The following KDM4C variants were observed in gnomAD, a reference collection of about 807,000 sequenced individuals.
KDM4C encodes lysine-specific demethylase 4C.
A neutral mutation model predicts 129.3 loss-of-function variants in KDM4C; 81 were observed. The observed-to-expected ratio is 0.63, with a 90% confidence interval of 0.52 to 0.75. KDM4C has a LOEUF of 0.75. Ranked by LOEUF, KDM4C falls within the 30% of genes least tolerant of loss-of-function variation. KDM4C has a pLI of 0.00. For synonymous variants in KDM4C, 573 were observed against 456.1 expected (o/e 1.26, Z -3.26); for missense variants, 1,457 against 1,304.0 (o/e 1.12, Z -1.81).
intron 18 of KDM4C, among the ~76,000 whole-genome samples, chr9:7,105,021 T>G (rs1587665142): frequency 6.6e-6 from 1 of 152,278 alleles, no homozygotes; most frequent in Admixed American, 6.5e-5. Flanking sequence ...ATTTTTTCAT[T>G]GTTTCAGGTT....
At position 6,732,179 on chromosome 9, in the gene KDM4C, A is replaced by C. The variant is rs561190654; in HGVS notation, c.49+11182A>C. On this transcript the variant is annotated intron_variant, in intron 1 of 17. Coordinates refer to the KDM4C transcript ENST00000536108. ...CAGGAGATTGAGACCATCCTGGCTA[A>C]CACAGTGAAACCCCATCTTTACTAA... 2.3e-4 allele frequency among the ~76,000 whole-genome samples: 35 copies of C among 151,666 alleles called. 1 individual carries two copies. In the South Asian group the frequency reaches 5.7e-3, roughly 25 times the overall value.
intron 1 of KDM4C, chr9:6,748,892 C>G: frequency 1.0e-6 from 1 of 968,288 alleles, no homozygotes; most frequent in Non-Finnish European, 1.7e-6. Flanking sequence ...ACACCTGAAT[C>G]TGCGATCTAT....
chr9:6,782,727 C>A (rs529939967), intron 1 of KDM4C, among the ~76,000 whole-genome samples: 6 of 151,928 alleles, frequency 3.9e-5, no homozygotes, highest in Non-Finnish European at 8.8e-5. Context: ...CATACTGGAA[C>A]GATATTGAGC....
rs1319961894 is a variant in KDM4C, at chr9:6,908,917, G to A, written c.921+15685G>A. On this transcript the variant is annotated intron_variant, in intron 8 of 21. Coordinates refer to ENST00000381309, the MANE Select transcript of KDM4C (RefSeq NM_015061.6). ...ACTCCTGGAGTAGTGACTGACACAT[G>A]GCATGTAATAAACATTTTTCTTTCT... 3.3e-5 allele frequency among the ~76,000 whole-genome samples: 5 copies of A among 152,046 alleles called. No homozygotes were observed. In the East Asian group the frequency reaches 9.6e-4, roughly 29 times the overall value.
At chr9:7,052,120 T>A (rs1830230287) in intron 17 of KDM4C, among the ~76,000 whole-genome samples, 1 of 152,238 alleles carries the variant, frequency 6.6e-6, no homozygotes, top group Non-Finnish European at 1.5e-5. Context: ...GAACAGAAAT[T>A]GTTAAATGTT....
At chr9:6,927,049 G>C (rs1822703851) in intron 8 of KDM4C, among the ~76,000 whole-genome samples, 1 of 151,986 alleles carries the variant, frequency 6.6e-6, no homozygotes, top group Admixed American at 6.6e-5. Flanking sequence ...GTTAACAGAA[G>C]AAAATTAACC....
At chr9:7,067,022 A>G (rs77691215) in intron 17 of KDM4C, among the ~76,000 whole-genome samples, 2,255 of 152,364 alleles carry the variant, frequency 0.015, 27 homozygotes, top group Middle Eastern at 0.058. Context: ...GGAAATTTAT[A>G]TATTTCTCTA....
intron 2 of KDM4C, among the ~76,000 whole-genome samples, chr9:6,802,588 CAAAG>C (rs905922899): frequency 1.3e-5 from 2 of 152,122 alleles, no homozygotes; most frequent in Non-Finnish European, 2.9e-5. Flanking sequence ...GAATGAAAAT[CAAAG>C]AACTTCAGCT....
At chr9:6,987,869 A>G (rs1252268353) in intron 11 of KDM4C, among the ~76,000 whole-genome samples, 1 of 152,042 alleles carries the variant, frequency 6.6e-6, no homozygotes, top group Non-Finnish European at 1.5e-5. Context: ...CAAAATTTAC[A>G]ACTTTGGCCA....
intron 3 of KDM4C, among the ~76,000 whole-genome samples, chr9:6,814,419 A>T (rs190462837): frequency 6.6e-6 from 1 of 152,344 alleles, no homozygotes; most frequent in African/African-American, 2.4e-5. Flanking sequence ...GTTTTCTAAT[A>T]AAATGTAAAG....
chr9:7,095,305 C>T (rs1198005599), intron 17 of KDM4C, among the ~76,000 whole-genome samples: 2 of 152,240 alleles, frequency 1.3e-5, no homozygotes, highest in African/African-American at 4.8e-5. Context: ...ACCACAGCTG[C>T]AACCTTTCAT....
intron 1 of KDM4C, among the ~76,000 whole-genome samples, chr9:6,782,830 G>A (rs1230521375): frequency 6.6e-6 from 1 of 152,210 alleles, no homozygotes; most frequent in Non-Finnish European, 1.5e-5. Context: ...AGAATTGACG[G>A]TGGTGAACTA....
chr9:6,926,277 T>A (rs1822507732), intron 8 of KDM4C, among the ~76,000 whole-genome samples: 2 of 143,516 alleles, frequency 1.4e-5, no homozygotes, highest in South Asian at 4.4e-4. Flanking sequence ...AAGAATTAAC[T>A]GAGGTAATAT....
At chr9:6,986,274 A>G in intron 10 of KDM4C, 70 bp from the exon 11 acceptor site, 2 of 1,051,568 alleles carry the variant, frequency 1.9e-6, no homozygotes, top group East Asian at 5.1e-5. Context: ...TCATTTGGGA[A>G]TAGTTTACCA....
chr9:7,174,631 G>C lies in KDM4C; in HGVS notation c.3073G>C (p.Val1025Leu). 6.2e-7 allele frequency: 1 copy of C among 1,614,172 alleles called. No homozygotes were observed. The highest frequency in any genetic ancestry group is 1.1e-5 in the South Asian group (1 of 91,090). The change falls in exon 22 of 22, where the codon GTG becomes CTG. Residue 1025 changes from valine to leucine, a missense_variant. Coordinates refer to ENST00000381309, the MANE Select transcript of KDM4C (RefSeq NM_015061.6). ...CCAAGGGGAGAGAAAGAGACAAAGAGTGCTGAGCTCCAGGTTTAAGAATGA... is the reference window on the plus strand; with the variant it reads ...CCAAGGGGAGAGAAAGAGACAAAGACTGCTGAGCTCCAGGTTTAAGAATGA... ...IIQGERKRQR[V>L]LSSRFKNEYV...
intron 17 of KDM4C, among the ~76,000 whole-genome samples, chr9:7,101,063 G>A (rs1021289058): frequency 6.6e-6 from 1 of 152,058 alleles, no homozygotes; most frequent in African/African-American, 2.4e-5. Context: ...TAGGGGTTGG[G>A]CCTGGATAGA....
chr9:7,059,184 C>T (rs978972933), intron 17 of KDM4C, among the ~76,000 whole-genome samples: 1 of 152,194 alleles, frequency 6.6e-6, no homozygotes, highest in African/African-American at 2.4e-5. Flanking sequence ...GGGTCTTGCT[C>T]TGTCACCCAG....
At chr9:6,967,488 A>G (rs1831202906) in intron 8 of KDM4C, among the ~76,000 whole-genome samples, 1 of 152,018 alleles carries the variant, frequency 6.6e-6, no homozygotes. Flanking sequence ...TAAAACGTTC[A>G]CAGAAAGACT....
intron 5 of KDM4C, among the ~76,000 whole-genome samples, chr9:6,850,597 A>AATTTTTTGT (rs1390643593): frequency 6.6e-6 from 1 of 150,520 alleles, no homozygotes; most frequent in Non-Finnish European, 1.5e-5. Context: ...AGGCCCAGCT[A>AATTTTTTGT]ATTTTTTGTA....
Sources: gnomAD v4.1 joint callset for allele counts (sites outside exome capture counted in the v4.1 genomes callset) on GRCh38, gnomAD v4.1.1 for gene constraint, MANE v1.5 for transcripts, NCBI Gene and HGNC (gene_info 2026-07-23, HGNC 2026-07-21) for gene names.